The following TUBGCP6 variants were observed in gnomAD, a reference collection of about 807,000 sequenced individuals.
The protein encoded by TUBGCP6 is tubulin gamma complex component 6.
A neutral mutation model predicts 175.8 loss-of-function variants in TUBGCP6; 161 were observed. The ratio of observed to expected loss-of-function variants is 0.92; its 90% CI spans 0.81 to 1.04. TUBGCP6 has a LOEUF of 1.04. Among genes scored for constraint, TUBGCP6 ranks in the 50% least tolerant of loss-of-function variants. The pLI is 0.00. For missense variants in TUBGCP6, 2,572 were observed against 2,433.0 expected (o/e 1.06, Z -1.20); for synonymous variants, 1,173 against 1,030.5 (o/e 1.14, Z -2.65).
At chr22:50,227,781 G>A (rs77515604) in intron 5 of TUBGCP6, 126 bp downstream of exon 5, 20,692 of 1,351,670 alleles carry the variant, frequency 0.015, 491 homozygotes, top group East Asian at 0.12. Flanking sequence ...AGGGCCATCC[G>A]GTCGCCTGCT....
At position 50,226,831 on chromosome 22, in the gene TUBGCP6, C is replaced by T; in HGVS notation, c.1503G>A (p.Leu501=). Residue 501 remains leucine (L), a synonymous_variant, in exon 7 of 25, where the codon CTG becomes CTA. Coordinates refer to ENST00000248846, the MANE Select transcript of TUBGCP6 (RefSeq NM_020461.4). ...PRAAFPTGVK[L]LSYLYQEALH... ...GAGCCTCCTGGTAGAGGTAGGACAG[C>T]AGCTTCACGCCCTGCAGACCGCAAA... 5 of 1,580,060 alleles carry T rather than the reference C, an allele frequency of 3.2e-6. No individual in the cohort carries two copies. Among genetic ancestry groups the T allele is most frequent in the Non-Finnish European group, 4.3e-6 (5 of 1,163,240 alleles).
At chr22:50,224,632 C>A in intron 10 of TUBGCP6, 40 bp from the exon 11 acceptor site, 1 of 1,603,510 alleles carries the variant, frequency 6.2e-7, no homozygotes, top group Non-Finnish European at 8.5e-7. Flanking sequence ...CCTGGCCGGG[C>A]GCAGTGGCTC....
chr22:50,241,595 A>C (rs1483896382), intron 1 of TUBGCP6, among the ~76,000 whole-genome samples: 1 of 152,200 alleles, frequency 6.6e-6, no homozygotes, highest in Non-Finnish European at 1.5e-5. Context: ...TGCCTTCTAG[A>C]TAGCAGTAGC....
rs1467959669 is a variant in TUBGCP6, at chr22:50,226,350, C to T, written c.1630G>A (p.Val544Met). 6.2e-7 allele frequency: 1 copy of T among 1,612,438 alleles called. No homozygotes were observed. The highest frequency in any genetic ancestry group is 8.5e-7 in the Non-Finnish European group (1 of 1,179,312). The change falls in exon 8 of 25, where the codon GTG becomes ATG. Residue 544 changes from valine to methionine, a missense_variant. Transcript: ENST00000248846. ...AACTCGCCATAAGCGTCTCTGAACA[C>T]CCCGCTGTACACCCAGTCGTGGATG... The part of the protein sequence containing the change: ...RFIHDWVYSG[V>M]FRDAYGEFMI...
intron 3 of TUBGCP6, among the ~76,000 whole-genome samples, chr22:50,232,992 C>G (rs553444494): frequency 3.9e-5 from 6 of 152,218 alleles, no homozygotes; most frequent in South Asian, 2.1e-4. Context: ...ATGCTCCTCC[C>G]GAGCGGTGGG....
At chr22:50,242,062 G>A (rs2064846524) in intron 1 of TUBGCP6, among the ~76,000 whole-genome samples, 1 of 150,924 alleles carries the variant, frequency 6.6e-6, no homozygotes, top group Non-Finnish European at 1.5e-5. Flanking sequence ...GGAGGCCGAG[G>A]CGGGCAGATC....
chr22:50,242,588 G>A (rs889499338), intron 1 of TUBGCP6, among the ~76,000 whole-genome samples: 9 of 152,184 alleles, frequency 5.9e-5, no homozygotes, highest in Non-Finnish European at 1.2e-4. Context: ...AGAATAGAAC[G>A]ACTAGTAACA....
intron 5 of TUBGCP6, among the ~76,000 whole-genome samples, 195 bp downstream of exon 5, chr22:50,227,712 G>T (rs1395581481): frequency 6.6e-6 from 1 of 152,180 alleles, no homozygotes; most frequent in Admixed American, 6.5e-5. Context: ...GCCAGCTGTG[G>T]TGGGCCCACG....
In TUBGCP6 at chr22:50,219,163, G is replaced by A. The variant is rs1350004874; in HGVS notation, c.4531C>T (p.Leu1511=). The change falls in exon 20 of 25, where the codon CTG becomes TTG. Residue 1511 remains leucine (L), a synonymous_variant. Transcript: ENST00000248846. ...GCCTCATAGTGCGCCTCCAGGTGCAGCTCCACGAAGAAGTAGTCGACAGCG... is the reference window on the plus strand; with the variant it reads ...GCCTCATAGTGCGCCTCCAGGTGCAACTCCACGAAGAAGTAGTCGACAGCG... ...KAAVDYFFVE[L]HLEAHYEALR... is the part of the protein sequence containing the mutation. The A allele has an allele frequency of 3.1e-6, 5 of 1,612,384 alleles. No homozygotes were observed. Among genetic ancestry groups the A allele is most frequent in the East Asian group, 2.2e-5 (1 of 44,894 alleles).
chr22:50,226,406 T>A, intron 7 of TUBGCP6, 28 bp from the exon 8 acceptor site: 1 of 1,574,042 alleles, frequency 6.4e-7, no homozygotes, highest in Non-Finnish European at 8.6e-7. Context: ...CAGGGGTAGA[T>A]GTGGTCAACG....
At chr22:50,224,460 C>T (rs368187923) in intron 11 of TUBGCP6, 40 bp from the exon 12 acceptor site, 1 of 1,614,136 alleles carries the variant, frequency 6.2e-7, no homozygotes, top group Non-Finnish European at 8.5e-7. Context: ...CACAAGGAGG[C>T]CCCAGCAAGG....
At chr22:50,237,720 C>A (rs1018769689) in intron 2 of TUBGCP6, among the ~76,000 whole-genome samples, 1 of 152,194 alleles carries the variant, frequency 6.6e-6, no homozygotes, top group Non-Finnish European at 1.5e-5. Flanking sequence ...CCCCACCGTG[C>A]GGGAGCTCCG....
intron 3 of TUBGCP6, 46 bp from the exon 4 acceptor site, chr22:50,229,623 A>AC: frequency 6.5e-7 from 1 of 1,533,486 alleles, no homozygotes. Flanking sequence ...AGGCACCCAG[A>AC]CCCCCAGTAA....
Position 50,220,495 on chromosome 22 carries a change from G to A in TUBGCP6, c.3864C>T (p.Pro1288=), listed in dbSNP as rs760825975. The part of the protein sequence containing the change: ...VLGALSPEAE[P]NTPRPQQSPP... ...GGCTCTGTTGGGGCCTGGGTGTGTT[G>A]GGCTCAGCTTCTGGTGAGAGAGCCC... Residue 1288 remains proline (P), a synonymous_variant, in exon 16 of 25, where the codon CCC becomes CCT. Transcript: ENST00000248846. 1.2e-5 allele frequency: 20 copies of A among 1,613,320 alleles called. No individual in the cohort carries two copies. Among genetic ancestry groups the A allele is most frequent in the African/African-American group, 4.0e-5 (3 of 74,948 alleles).
rs147119684 is a variant in TUBGCP6, at chr22:50,225,922, C to T, written c.1855G>A (p.Val619Ile). The T allele has an allele frequency of 2.7e-4, 436 of 1,613,730 alleles. 1 individual carries two copies. The African/African-American group carries it at 4.4e-3, about 16-fold the overall frequency. The change falls in exon 10 of 25, where the codon GTC becomes ATC. Residue 619 changes from valine to isoleucine, a missense_variant. Coordinates refer to ENST00000248846, the MANE Select transcript of TUBGCP6 (RefSeq NM_020461.4). ...CPRHYLCWSD[V>I]PVPRISVIFS... ...ATCACCGAGATCCGGGGGACAGGGA[C>T]GTCGGACCAACAGAGGTAATGCTGC...
At chr22:50,227,726 G>C (rs1238481036) in intron 5 of TUBGCP6, among the ~76,000 whole-genome samples, 181 bp downstream of exon 5, 1 of 152,198 alleles carries the variant, frequency 6.6e-6, no homozygotes, top group East Asian at 1.9e-4. Flanking sequence ...GCCCACGGCA[G>C]ACACACCCGC....
At chr22:50,237,778 A>G (rs971354767) in intron 2 of TUBGCP6, among the ~76,000 whole-genome samples, 1 of 152,188 alleles carries the variant, frequency 6.6e-6, no homozygotes. Context: ...GTGAGTGACC[A>G]TGTCTCCTCA....
At chr22:50,229,849 T>G (rs2064666337) in intron 3 of TUBGCP6, among the ~76,000 whole-genome samples, 1 of 152,104 alleles carries the variant, frequency 6.6e-6, no homozygotes, top group Non-Finnish European at 1.5e-5. Context: ...AGGACACAAG[T>G]ACACAGACAG....
At position 50,222,526 on chromosome 22, in the gene TUBGCP6, C is replaced by A. The variant is rs746855150; in HGVS notation, c.2337G>T (p.Leu779=). ...CCAGTCGGTGCCTCTGGATTCTCCA[C>A]AGTGCCTTCTGCTCCCGACGAGCTG... The part of the protein sequence containing the change: ...AEAARREQKA[L]WRIQRHRLES... Residue 779 remains leucine, a synonymous_variant, in exon 14 of 25, where the codon CTG becomes CTT. Coordinates refer to ENST00000248846, the MANE Select transcript of TUBGCP6 (RefSeq NM_020461.4). 4.3e-6 allele frequency: 7 copies of A among 1,613,798 alleles called. No individual in the cohort carries two copies. The highest frequency in any genetic ancestry group is 5.9e-6 in the Non-Finnish European group (7 of 1,180,046).
Sources: allele counts gnomAD v4.1 joint callset (sites outside exome capture counted in the v4.1 genomes callset), GRCh38; gene constraint gnomAD v4.1.1; transcripts MANE v1.5; gene names NCBI Gene and HGNC (gene_info 2026-07-23, HGNC 2026-07-21).